STAG1: variants seen among roughly 807,000 people sequenced by gnomAD.
STAG1 encodes STAG1 cohesin complex component, also known as cohesin subunit SA-1.
STAG1 carries 26 observed loss-of-function variants against 170.9 expected under a neutral mutation model. The ratio of observed to expected loss-of-function variants is 0.15; its 90% CI spans 0.11 to 0.21. The LOEUF is 0.21. Among genes scored for constraint, STAG1 ranks in the 10% least tolerant of loss-of-function variants. STAG1 has a pLI of 1.00. For missense variants in STAG1, 964 were observed against 1,509.5 expected, an observed-to-expected ratio of 0.64 and a Z score of 5.99; for synonymous variants, 514 against 497.7, an observed-to-expected ratio of 1.03 and a Z score of -0.44.
At chr3:136,494,602 C>T (rs1211934573) in intron 9 of STAG1, among the ~76,000 whole-genome samples, 1 of 152,022 alleles carries the variant, frequency 6.6e-6, no homozygotes, top group African/African-American at 2.4e-5. Context: ...GGAATTTCTC[C>T]CAGAATGCAA....
In STAG1 at chr3:136,350,676, A is replaced by G. The variant is rs149715812; in HGVS notation, c.3066-1313T>C. Among the ~76,000 whole-genome samples, 797 of 152,304 alleles carry G rather than the reference A, an allele frequency of 5.2e-3. 8 individuals are homozygous for G. Among genetic ancestry groups the G allele is most frequent in the African/African-American group, 0.018 (744 of 41,572 alleles). ...CCCTCCTCCCCATTTCAGTGGCATA[A>G]AAGTTAAAGTTCTCCCTGGTGGCTG... On this transcript the variant is annotated intron_variant, in intron 28 of 33. Coordinates refer to ENST00000383202, the MANE Select transcript of STAG1 (RefSeq NM_005862.3).
In STAG1 at chr3:136,396,525, T is replaced by C. The variant is rs1174825900; in HGVS notation, c.2277+2224A>G. On this transcript the variant is annotated intron_variant, in intron 22 of 33. Coordinates refer to ENST00000383202, the MANE Select transcript of STAG1 (RefSeq NM_005862.3). ...CGTGAGCCACCGCGCCTGGCCTTTTTTTTTTTTTTTTTTTTTTTTTTGGAG... is the reference window on the plus strand; with the variant it reads ...CGTGAGCCACCGCGCCTGGCCTTTTCTTTTTTTTTTTTTTTTTTTTTGGAG... 7.3e-4 allele frequency among the ~76,000 whole-genome samples: 32 copies of C among 43,784 alleles called. 2 individuals are homozygous for C. The South Asian group carries it at 0.052, about 72-fold the overall frequency. The allele number at this position is 43,784 out of a possible 152,430, so 28.7% of individuals were successfully genotyped here. A position where few individuals can be genotyped will look rare whatever the true frequency, so the allele number is the denominator to read the frequency against.
At chr3:136,711,630 G>A (rs1012771425) in intron 1 of STAG1, among the ~76,000 whole-genome samples, 3 of 152,084 alleles carry the variant, frequency 2.0e-5, no homozygotes, top group Non-Finnish European at 4.4e-5. Flanking sequence ...AATAAATGAG[G>A]CAGTGATATT....
intron 9 of STAG1, among the ~76,000 whole-genome samples, chr3:136,495,965 C>A (rs1576531154): frequency 8.0e-6 from 1 of 124,978 alleles, no homozygotes; most frequent in African/African-American, 3.1e-5. Context: ...AGCAAGACTC[C>A]GTCTCAAAAA....
At chr3:136,485,523 T>A (rs1053908472) in intron 9 of STAG1, among the ~76,000 whole-genome samples, 2 of 152,152 alleles carry the variant, frequency 1.3e-5, no homozygotes, top group Admixed American at 6.5e-5. Context: ...ATACTGAACA[T>A]GCGTGGGACA....
intron 12 of STAG1, among the ~76,000 whole-genome samples, chr3:136,466,315 G>C (rs769079557): frequency 8.5e-5 from 13 of 152,216 alleles, no homozygotes; most frequent in Non-Finnish European, 1.8e-4. Context: ...TAAATGACCT[G>C]ATGGAGCTGA....
In STAG1 at chr3:136,443,309, T is replaced by C; in HGVS notation, c.1524A>G (p.Glu508=). The change falls in exon 15 of 34, where the codon GAA becomes GAG. Residue 508 remains glutamate (E), a synonymous_variant. Coordinates refer to ENST00000383202, the MANE Select transcript of STAG1 (RefSeq NM_005862.3). ...DWECMTELLL[E]EPVQGEEAMS... ...TACCTTCCTCTCCTTGAACAGGTTC[T>C]TCTAATAGCAACTCTGTCATACATT... The C allele has an allele frequency of 6.2e-7, 1 of 1,613,008 alleles. No homozygotes were observed. Among genetic ancestry groups the C allele is most frequent in the Non-Finnish European group, 8.5e-7 (1 of 1,179,220 alleles).
At chr3:136,460,604 A>G (rs905016252) in intron 13 of STAG1, among the ~76,000 whole-genome samples, 5 of 152,112 alleles carry the variant, frequency 3.3e-5, no homozygotes, top group Admixed American at 2.6e-4. Flanking sequence ...CTCCGTCTCA[A>G]AAAAGAAAAC....
intron 2 of STAG1, among the ~76,000 whole-genome samples, chr3:136,626,546 A>G (rs1022273346): frequency 2.0e-5 from 3 of 152,218 alleles, no homozygotes; most frequent in Non-Finnish European, 4.4e-5. Flanking sequence ...AGCCATATGC[A>G]ATATGCAAAT....
Position 136,589,860 on chromosome 3 carries a change from G to C in STAG1, c.297+14449C>G, listed in dbSNP as rs2107790711. On this transcript the variant is annotated intron_variant, in intron 4 of 33. Coordinates refer to ENST00000383202, the MANE Select transcript of STAG1 (RefSeq NM_005862.3). ...GCAGGAGGATCGCCTGAATCCGGGA[G>C]GCGGAAGTTGCAGTGAACCGAGATC... Among the ~76,000 whole-genome samples, 3 of 152,176 alleles carry C rather than the reference G, an allele frequency of 2.0e-5. No individual in the cohort carries two copies. In the South Asian group the frequency reaches 6.2e-4, roughly 32 times the overall value.
At chr3:136,342,414 G>A (rs1311604313) in intron 30 of STAG1, among the ~76,000 whole-genome samples, 1 of 151,998 alleles carries the variant, frequency 6.6e-6, no homozygotes, top group Admixed American at 6.6e-5. Flanking sequence ...TGCCTCCCAG[G>A]CTCCAGTGCT....
intron 9 of STAG1, among the ~76,000 whole-genome samples, chr3:136,478,697 G>C (rs1576511317): frequency 6.6e-6 from 1 of 152,112 alleles, no homozygotes; most frequent in South Asian, 2.1e-4. Flanking sequence ...TCCTGTCATT[G>C]CTTAAGGATA....
rs140719701 is a variant in STAG1 at position 136,715,396 on chromosome 3, G to A, written c.-84+36799C>T. Among the ~76,000 whole-genome samples the A allele has an allele frequency of 9.2e-3, 1,385 of 150,608 alleles. 28 individuals carry two copies. The highest frequency in any genetic ancestry group is 0.03 in the African/African-American group (1,234 of 41,068). ...AACACTTTGGGAGGCCAAGGCAGGC[G>A]GATCATGAGGTCAGGACATGGAGAT... On this transcript the variant is annotated intron_variant, in intron 1 of 33. Transcript: ENST00000383202.
chr3:136,509,684 A>T (rs965012257), intron 7 of STAG1, among the ~76,000 whole-genome samples: 1 of 152,220 alleles, frequency 6.6e-6, no homozygotes, highest in African/African-American at 2.4e-5. Context: ...AGTTGAGTGG[A>T]AACACAGAAG....
intron 3 of STAG1, among the ~76,000 whole-genome samples, chr3:136,614,144 AGGCGGAGGTTGCAGTGAGCCAAGATT>A (rs1409897043): frequency 3.9e-5 from 6 of 152,168 alleles, no homozygotes; most frequent in African/African-American, 9.7e-5. Context: ...TGAACCCGGG[AGGCGGAGGTTGCAGTGAGCCAAGATT>A]GTGCCACTGC....
chr3:136,341,571 T>C lies in STAG1; in HGVS notation c.3447-20A>G, dbSNP rs759607603. ...TGAGGACTAAGAGAGGGTACTATTATTAATTTTGTAGCAGCAGATGATGAA... is the reference window on the plus strand; with the variant it reads ...TGAGGACTAAGAGAGGGTACTATTACTAATTTTGTAGCAGCAGATGATGAA... On this transcript the variant is annotated intron_variant, in intron 30 of 33. Transcript: ENST00000383202. The C allele has an allele frequency of 2.6e-6, 4 of 1,519,808 alleles. No individual in the cohort carries two copies. The highest frequency in any genetic ancestry group is 2.3e-5 in the South Asian group (2 of 88,472). The allele number at this position is 1,519,808 out of a possible 1,614,324, so 94.1% of individuals were successfully genotyped here. A position where few individuals can be genotyped will look rare whatever the true frequency, so the allele number is the denominator to read the frequency against.
In STAG1 at chr3:136,574,201, G is replaced by A. The variant is rs542449984; in HGVS notation, c.298-5340C>T. ...GGTTGCAGTGAGCCGAGATGGTGCC[G>A]CTGCACTCCAGCCCGGGTGACATGA... On this transcript the variant is annotated intron_variant, in intron 4 of 33. Coordinates refer to ENST00000383202, the MANE Select transcript of STAG1 (RefSeq NM_005862.3). Among the ~76,000 whole-genome samples, 10 of 151,604 alleles carry A rather than the reference G, an allele frequency of 6.6e-5. No homozygotes were observed. The South Asian group carries it at 8.3e-4, about 13-fold the overall frequency.
At chr3:136,369,994 G>C (rs1443718114) in intron 23 of STAG1, among the ~76,000 whole-genome samples, 1 of 152,108 alleles carries the variant, frequency 6.6e-6, no homozygotes, top group Non-Finnish European at 1.5e-5. Flanking sequence ...TCTAACTTGT[G>C]TATAGAACCT....
At chr3:136,434,814 T>C (rs1385939209) in intron 15 of STAG1, among the ~76,000 whole-genome samples, 1 of 152,182 alleles carries the variant, frequency 6.6e-6, no homozygotes, top group Non-Finnish European at 1.5e-5. Flanking sequence ...CTTGCTCTTT[T>C]GCTCTTCCTT....
Sources: gnomAD v4.1 joint callset for allele counts (sites outside exome capture counted in the v4.1 genomes callset) on GRCh38, gnomAD v4.1.1 for gene constraint, MANE v1.5 for transcripts, NCBI Gene and HGNC (gene_info 2026-07-23, HGNC 2026-07-21) for gene names.